Variants in CLMP observed in about 807,000 individuals in gnomAD.
The protein encoded by CLMP is CXADR like cell adhesion molecule, also known as CXADR-like membrane protein.
Under a neutral mutation model 45.2 loss-of-function variants are expected in CLMP, and 27 were observed. That is an observed-to-expected ratio of 0.60 (90% CI 0.44 to 0.82). The LOEUF is 0.82. Ranked by LOEUF, CLMP falls within the 40% of genes least tolerant of loss-of-function variation. CLMP has a pLI of 0.00. For synonymous variants in CLMP, 167 were observed against 171.4 expected, an observed-to-expected ratio of 0.97 and a Z score of 0.20; for missense variants, 403 against 448.4, an observed-to-expected ratio of 0.90 and a Z score of 0.91.
In CLMP at chr11:123,097,819, G is replaced by A. The variant is rs767487653; in HGVS notation, c.162C>T (p.Thr54=). The change falls in exon 2 of 7, where the codon ACC becomes ACT. Residue 54 remains threonine, a synonymous_variant. Transcript: ENST00000448775. ...CCACTTTTTGGTTCCCTTCATTATC[G>A]GTGAGCAGCCATTCAATATCCAGAG... is the stretch of plus-strand genomic sequence containing the variant. ...KDTLDIEWLL[T]DNEGNQKVVI... is the part of the protein sequence containing the mutation. The A allele has an allele frequency of 1.6e-5, 25 of 1,599,768 alleles. No homozygotes were observed. The highest frequency in any genetic ancestry group is 1.7e-4 in the Middle Eastern group (1 of 6,020).
rs1186641850 is a variant in CLMP, at chr11:123,116,103, C to T, written c.29-18151G>A. 6.6e-5 allele frequency among the ~76,000 whole-genome samples: 10 copies of T among 151,802 alleles called. No individual in the cohort carries two copies. In the East Asian group the frequency reaches 1.8e-3, roughly 27 times the overall value. On this transcript the variant is annotated intron_variant, in intron 1 of 6. Coordinates refer to ENST00000448775, the MANE Select transcript of CLMP (RefSeq NM_024769.5). Reference sequence around the variant, plus strand: ...CTGGCTTCCCCCAGGGTAGGTGATGCAAAAAAGAGCACAAGATGAGACGTC... The same window carrying T: ...CTGGCTTCCCCCAGGGTAGGTGATGTAAAAAAGAGCACAAGATGAGACGTC...
chr11:123,166,372 A>G (rs1174416757), intron 1 of CLMP, among the ~76,000 whole-genome samples: 1 of 152,210 alleles, frequency 6.6e-6, no homozygotes, highest in Admixed American at 6.5e-5. Context: ...GAATGCCAAG[A>G]GCTGCAAGCC....
intron 1 of CLMP, among the ~76,000 whole-genome samples, chr11:123,112,110 C>T (rs1036615513): frequency 2.0e-5 from 3 of 152,070 alleles, no homozygotes; most frequent in African/African-American, 4.8e-5. Context: ...CAACGAGGAA[C>T]GGAACACGTC....
intron 1 of CLMP, among the ~76,000 whole-genome samples, chr11:123,157,830 T>C (rs1286390776): frequency 6.6e-6 from 1 of 151,798 alleles, no homozygotes; most frequent in African/African-American, 2.4e-5. Flanking sequence ...CGCTGGTCTT[T>C]GGATGTTAAG....
chr11:123,129,427 A>G (rs1279499438), intron 1 of CLMP, among the ~76,000 whole-genome samples: 1 of 136,648 alleles, frequency 7.3e-6, no homozygotes, highest in Non-Finnish European at 1.5e-5. Context: ...ATATTATATA[A>G]AATATATATC....
intron 1 of CLMP, among the ~76,000 whole-genome samples, chr11:123,146,657 A>G (rs766006411): frequency 6.6e-5 from 10 of 151,950 alleles, no homozygotes; most frequent in Non-Finnish European, 1.2e-4. Flanking sequence ...TTCTTTTTCC[A>G]TGGGCGTGTG....
At chr11:123,158,933 C>A (rs1280051603) in intron 1 of CLMP, among the ~76,000 whole-genome samples, 2 of 152,210 alleles carry the variant, frequency 1.3e-5, no homozygotes, top group African/African-American at 4.8e-5. Context: ...TGAATATTAT[C>A]TATGACCATT....
At chr11:123,162,717 GA>G (rs1861502889) in intron 1 of CLMP, among the ~76,000 whole-genome samples, 1 of 151,498 alleles carries the variant, frequency 6.6e-6, no homozygotes, top group Admixed American at 6.6e-5. Context: ...GCAACATGAC[GA>G]AACATTGTCT....
At chr11:123,137,214 C>T (rs1397323424) in intron 1 of CLMP, among the ~76,000 whole-genome samples, 1 of 129,690 alleles carries the variant, frequency 7.7e-6, no homozygotes, top group Non-Finnish European at 1.5e-5. Flanking sequence ...AGTGCAGTGG[C>T]GCGATCTCGG....
intron 1 of CLMP, among the ~76,000 whole-genome samples, chr11:123,177,066 TGTTGCCATAACAGAAA>T: frequency 6.6e-6 from 1 of 152,236 alleles, no homozygotes. Context: ...TGCGGGTGAT[TGTTGCCATAACAGAAA>T]GTTCATGAGA....
intron 1 of CLMP, among the ~76,000 whole-genome samples, chr11:123,142,025 C>T (rs559201075): frequency 5.0e-4 from 75 of 151,122 alleles, no homozygotes; most frequent in African/African-American, 1.5e-3. Context: ...CACTTTGTCC[C>T]CCAGGCTGGA....
At chr11:123,189,764 TTGGGAGG>T (rs1565407770) in intron 1 of CLMP, among the ~76,000 whole-genome samples, 1 of 152,100 alleles carries the variant, frequency 6.6e-6, no homozygotes, top group Non-Finnish European at 1.5e-5. Flanking sequence ...TCCCAGCCCA[TTGGGAGG>T]CCGATGATCA....
At chr11:123,140,841 C>A (rs1178945406) in intron 1 of CLMP, among the ~76,000 whole-genome samples, 2 of 148,548 alleles carry the variant, frequency 1.3e-5, no homozygotes, top group Non-Finnish European at 3.0e-5. Context: ...GAAATATGAC[C>A]TCTAATGTTG....
At chr11:123,099,760 A>C (rs1866033658) in intron 1 of CLMP, among the ~76,000 whole-genome samples, 1 of 152,152 alleles carries the variant, frequency 6.6e-6, no homozygotes, top group African/African-American at 2.4e-5. Flanking sequence ...ATGTGGAAAA[A>C]TAAAACAAAT....
At chr11:123,089,999 T>G (rs1449619595) in intron 2 of CLMP, among the ~76,000 whole-genome samples, 4 of 141,734 alleles carry the variant, frequency 2.8e-5, no homozygotes, top group South Asian at 2.3e-4. Context: ...TCGGGAGGCT[T>G]AGGCAGGAGA....
At chr11:123,167,096 G>C (rs1272045495) in intron 1 of CLMP, among the ~76,000 whole-genome samples, 1 of 152,156 alleles carries the variant, frequency 6.6e-6, no homozygotes. Flanking sequence ...GCAGTGCTTG[G>C]CACATAGTAG....
chr11:123,140,758 C>T (rs753979409), intron 1 of CLMP, among the ~76,000 whole-genome samples: 7 of 152,100 alleles, frequency 4.6e-5, no homozygotes, highest in Non-Finnish European at 7.4e-5. Context: ...GGCCTCTATT[C>T]CCTACATGCT....
intron 1 of CLMP, among the ~76,000 whole-genome samples, chr11:123,130,873 C>T (rs1860976700): frequency 7.6e-6 from 1 of 130,774 alleles, no homozygotes. Context: ...GACGGAGTCT[C>T]ACTCTGTCAC....
intron 1 of CLMP, among the ~76,000 whole-genome samples, chr11:123,177,517 G>A (rs886252544): frequency 6.6e-6 from 1 of 152,156 alleles, no homozygotes; most frequent in African/African-American, 2.4e-5. Flanking sequence ...AGGGGTTCAT[G>A]GGAATCTGAA....
Sources: gnomAD v4.1 joint callset for allele counts (sites outside exome capture counted in the v4.1 genomes callset) on GRCh38, gnomAD v4.1.1 for gene constraint, MANE v1.5 for transcripts, NCBI Gene and HGNC (gene_info 2026-07-23, HGNC 2026-07-21) for gene names.